The following STX8 variants were observed in gnomAD, a reference collection of about 807,000 sequenced individuals.
The protein encoded by STX8 is syntaxin-8.
Under a neutral mutation model 37.5 loss-of-function variants are expected in STX8, and 23 were observed. The ratio of observed to expected loss-of-function variants is 0.61; its 90% CI spans 0.44 to 0.87. The LOEUF (loss-of-function observed/expected upper bound fraction) is 0.87, where lower values mean the gene tolerates loss of function less well. Ranked by LOEUF, STX8 falls within the 40% of genes least tolerant of loss-of-function variation. STX8 has a pLI of 0.00. For synonymous variants in STX8, 115 were observed against 99.1 expected (o/e 1.16, Z -0.95); for missense variants, 313 against 284.7 (o/e 1.10, Z -0.71).
chr17:9,268,024 A>T (rs973551039), intron 7 of STX8, among the ~76,000 whole-genome samples: 9 of 151,946 alleles, frequency 5.9e-5, no homozygotes, highest in Non-Finnish European at 8.8e-5. Context: ...AGCTTAAATT[A>T]AGAGCATTTC....
At chr17:9,504,068 C>T (rs1281024021) in intron 5 of STX8, among the ~76,000 whole-genome samples, 1 of 149,952 alleles carries the variant, frequency 6.7e-6, no homozygotes, top group African/African-American at 2.5e-5. Flanking sequence ...CCAGCCGACA[C>T]ATACTAAGTT....
chr17:9,350,056 G>A (rs747186448), intron 7 of STX8, among the ~76,000 whole-genome samples: 11 of 152,174 alleles, frequency 7.2e-5, no homozygotes, highest in Non-Finnish European at 1.3e-4. Context: ...CACTGCGTTA[G>A]GCTACTATTG....
intron 1 of STX8, among the ~76,000 whole-genome samples, chr17:9,573,721 C>A (rs1373228873): frequency 6.6e-6 from 1 of 152,154 alleles, no homozygotes; most frequent in East Asian, 1.9e-4. Context: ...TTGAGCCCAA[C>A]AGTTCTATTT....
rs1057290944 is a variant in STX8, at chr17:9,441,956, G to A, written c.541+49873C>T. Among the ~76,000 whole-genome samples, 6 of 151,860 alleles carry A rather than the reference G, an allele frequency of 4.0e-5. No individual in the cohort carries two copies. In the East Asian group the frequency reaches 5.9e-4, roughly 15 times the overall value. On this transcript the variant is annotated intron_variant, in intron 6 of 7. Transcript: ENST00000306357. ...TCCCAAAGTGCTGGGATTACATACC[G>A]CGCCTGGCACCATGGCTTTGATTAC...
At chr17:9,254,546 C>A (rs1317076780) in intron 7 of STX8, among the ~76,000 whole-genome samples, 3 of 152,076 alleles carry the variant, frequency 2.0e-5, no homozygotes, top group Non-Finnish European at 4.4e-5. Flanking sequence ...CAGGTGCCCA[C>A]CACTATGCCC....
Position 9,517,019 on chromosome 17 carries a change from T to C in STX8, c.324-11857A>G, listed in dbSNP as rs2142517250. Reference sequence around the variant, plus strand: ...TCTTGGTGGGAGAAAGCAGATATTCTTTTTAATCCTGCAAAAGATGATTTC... The same window carrying C: ...TCTTGGTGGGAGAAAGCAGATATTCCTTTTAATCCTGCAAAAGATGATTTC... On this transcript the variant is annotated intron_variant, in intron 4 of 7. Coordinates refer to ENST00000306357, the MANE Select transcript of STX8 (RefSeq NM_004853.3). 2.0e-5 allele frequency among the ~76,000 whole-genome samples: 3 copies of C among 152,340 alleles called. No homozygotes were observed. The South Asian group carries it at 6.2e-4, about 32-fold the overall frequency.
intron 7 of STX8, among the ~76,000 whole-genome samples, chr17:9,315,222 C>G (rs1431152679): frequency 6.6e-6 from 1 of 151,760 alleles, no homozygotes. Context: ...AAGTCAGACA[C>G]CTCATTATAC....
intron 4 of STX8, among the ~76,000 whole-genome samples, chr17:9,538,170 G>T (rs1264019523): frequency 6.6e-6 from 1 of 152,132 alleles, no homozygotes; most frequent in African/African-American, 2.4e-5. Flanking sequence ...TCACGTAGAG[G>T]ACAAAGCAAA....
intron 6 of STX8, among the ~76,000 whole-genome samples, chr17:9,420,394 C>T (rs555611087): frequency 5.9e-5 from 9 of 152,288 alleles, no homozygotes; most frequent in Admixed American, 2.6e-4. Flanking sequence ...TCTCTTCCTT[C>T]GACCAGTAAC....
chr17:9,547,016 G>A, intron 3 of STX8, among the ~76,000 whole-genome samples: 1 of 151,538 alleles, frequency 6.6e-6, no homozygotes, highest in Non-Finnish European at 1.5e-5. Flanking sequence ...CTGGGAGGCT[G>A]AAGTGGGCGG....
At chr17:9,502,800 A>G in intron 5 of STX8, among the ~76,000 whole-genome samples, 1 of 152,122 alleles carries the variant, frequency 6.6e-6, no homozygotes, top group African/African-American at 2.4e-5. Context: ...ATACAAATCT[A>G]TAATATAAGA....
intron 3 of STX8, among the ~76,000 whole-genome samples, chr17:9,550,997 C>A (rs113836130): frequency 2.0e-3 from 298 of 152,264 alleles, no homozygotes; most frequent in African/African-American, 6.6e-3. Context: ...ATCGCTTGAA[C>A]CTGTGAGGCG....
chr17:9,254,163 G>A (rs538532201), intron 7 of STX8, among the ~76,000 whole-genome samples: 32 of 152,272 alleles, frequency 2.1e-4, no homozygotes, highest in African/African-American at 6.5e-4. Context: ...CCCTGCAGCC[G>A]CACTCTGCGC....
chr17:9,436,878 C>G (rs1470453850), intron 6 of STX8, among the ~76,000 whole-genome samples: 1 of 152,210 alleles, frequency 6.6e-6, no homozygotes, highest in African/African-American at 2.4e-5. Flanking sequence ...ACGCTGACTC[C>G]TGGTTTGGAT....
intron 7 of STX8, among the ~76,000 whole-genome samples, chr17:9,269,437 G>T (rs1025077393): frequency 6.6e-6 from 1 of 152,184 alleles, no homozygotes; most frequent in Non-Finnish European, 1.5e-5. Flanking sequence ...GCATGTTCAA[G>T]CCTATACCAG....
At chr17:9,542,271 T>C (rs1331542658) in intron 4 of STX8, among the ~76,000 whole-genome samples, 5 of 151,562 alleles carry the variant, frequency 3.3e-5, no homozygotes, top group African/African-American at 4.8e-5. Context: ...GGCAGGAGAA[T>C]CACTTGAACT....
chr17:9,495,155 C>T (rs953202002), intron 5 of STX8, among the ~76,000 whole-genome samples: 2 of 152,086 alleles, frequency 1.3e-5, no homozygotes, highest in African/African-American at 4.8e-5. Context: ...AGGTAACAAC[C>T]CCTTTGTGAC....
At chr17:9,387,592 C>CA (rs1477720359) in intron 6 of STX8, among the ~76,000 whole-genome samples, 1 of 152,164 alleles carries the variant, frequency 6.6e-6, no homozygotes, top group South Asian at 2.1e-4. Context: ...CACGCCTGGC[C>CA]AAAAAGTGGG....
At chr17:9,268,228 C>T (rs1398170028) in intron 7 of STX8, among the ~76,000 whole-genome samples, 7 of 150,370 alleles carry the variant, frequency 4.7e-5, no homozygotes, top group Non-Finnish European at 5.9e-5. Context: ...AGGAGCAACA[C>T]GAGAGCCTCA....
Sources: allele counts gnomAD v4.1 joint callset (sites outside exome capture counted in the v4.1 genomes callset), GRCh38; gene constraint gnomAD v4.1.1; transcripts MANE v1.5; gene names NCBI Gene and HGNC (gene_info 2026-07-23, HGNC 2026-07-21).